ASXL3: variants seen among roughly 807,000 people sequenced by gnomAD.
ASXL3 encodes ASXL transcriptional regulator 3.
Under a neutral mutation model 170.6 loss-of-function variants are expected in ASXL3, and 34 were observed. That is an observed-to-expected ratio of 0.20 (90% confidence interval 0.15 to 0.27). ASXL3 has a LOEUF of 0.27. Ranked by LOEUF, ASXL3 falls within the 10% of genes least tolerant of loss-of-function variation. The pLI, the probability that ASXL3 is intolerant of heterozygous loss-of-function variation, is 1.00. For synonymous variants in ASXL3, 1,002 were observed against 989.1 expected, an observed-to-expected ratio of 1.01 and a Z score of -0.24; for missense variants, 2,592 against 2,695.3, an observed-to-expected ratio of 0.96 and a Z score of 0.85.
At chr18:33,704,316 TTAAAG>T (rs2066924420) in intron 8 of ASXL3, among the ~76,000 whole-genome samples, 1 of 152,130 alleles carries the variant, frequency 6.6e-6, no homozygotes, top group Non-Finnish European at 1.5e-5. Context: ...AAGAATTATA[TTAAAG>T]TATAGATTGT....
At chr18:33,701,649 C>T (rs921035675) in intron 8 of ASXL3, among the ~76,000 whole-genome samples, 4 of 151,914 alleles carry the variant, frequency 2.6e-5, no homozygotes, top group Non-Finnish European at 5.9e-5. Context: ...TTTTCTCTTG[C>T]TGTTTTCAGA....
intron 2 of ASXL3, among the ~76,000 whole-genome samples, chr18:33,621,293 A>G (rs1042311514): frequency 6.6e-6 from 1 of 152,152 alleles, no homozygotes; most frequent in Non-Finnish European, 1.5e-5. Flanking sequence ...AAGAATGTAC[A>G]AAAGTATATT....
chr18:33,606,850 A>T (rs921918991), intron 1 of ASXL3, among the ~76,000 whole-genome samples: 5 of 151,964 alleles, frequency 3.3e-5, no homozygotes, highest in African/African-American at 1.2e-4. Flanking sequence ...CCTGCAAAAT[A>T]AAGGAACCTG....
chr18:33,639,330 G>C (rs950547367), intron 2 of ASXL3, among the ~76,000 whole-genome samples: 1 of 152,086 alleles, frequency 6.6e-6, no homozygotes, highest in African/African-American at 2.4e-5. Flanking sequence ...TCCCAACCTT[G>C]TTGAACTCAG....
intron 5 of ASXL3, among the ~76,000 whole-genome samples, chr18:33,666,161 G>A (rs1013845098): frequency 1.3e-5 from 2 of 151,976 alleles, no homozygotes; most frequent in African/African-American, 2.4e-5. Flanking sequence ...TGTTTATTTT[G>A]ATTCTGATAT....
intron 7 of ASXL3, among the ~76,000 whole-genome samples, chr18:33,674,737 AC>A (rs776185782): frequency 3.8e-4 from 58 of 151,274 alleles, no homozygotes; most frequent in Non-Finnish European, 4.3e-4. Context: ...TGCTGCCTCA[AC>A]CCCCCGAGTA....
chr18:33,588,910 G>C (rs1184232842), intron 1 of ASXL3, among the ~76,000 whole-genome samples: 2 of 152,056 alleles, frequency 1.3e-5, no homozygotes, highest in African/African-American at 4.8e-5. Flanking sequence ...AAACCCTCTT[G>C]TCAGTGTTAT....
At chr18:33,600,265 C>T (rs1055996606) in intron 1 of ASXL3, among the ~76,000 whole-genome samples, 1 of 152,068 alleles carries the variant, frequency 6.6e-6, no homozygotes, top group Non-Finnish European at 1.5e-5. Context: ...TATTGAATCC[C>T]ATAATTGTAA....
chr18:33,662,913 C>G (rs2066198017), intron 5 of ASXL3, among the ~76,000 whole-genome samples: 1 of 152,150 alleles, frequency 6.6e-6, no homozygotes, highest in Non-Finnish European at 1.5e-5. Flanking sequence ...CTATCTTCTC[C>G]TGTACCTCAG....
chr18:33,632,799 A>T (rs1396782126), intron 2 of ASXL3, among the ~76,000 whole-genome samples: 1 of 152,130 alleles, frequency 6.6e-6, no homozygotes, highest in Non-Finnish European at 1.5e-5. Context: ...TTCTAGGTGT[A>T]TCTCAGCTGA....
At chr18:33,639,723 A>G (rs1172066470) in intron 2 of ASXL3, among the ~76,000 whole-genome samples, 3 of 152,142 alleles carry the variant, frequency 2.0e-5, no homozygotes, top group East Asian at 1.9e-4. Flanking sequence ...ACGAATCGCT[A>G]TAGTCTATCT....
At position 33,676,222 on chromosome 18, in the gene ASXL3, C is replaced by CAAAAAAAAAAAAAAAAAAAAAAAAAAAAA. The variant is rs568221465; in HGVS notation, c.715+4381_715+4382insAAAAAAAAAAAAAAAAAAAAAAAAAAAAA. Among the ~76,000 whole-genome samples, 12 of 41,728 alleles carry CAAAAAAAAAAAAAAAAAAAAAAAAAAAAA rather than the reference C, an allele frequency of 2.9e-4. 1 individual carries two copies. Among genetic ancestry groups the CAAAAAAAAAAAAAAAAAAAAAAAAAAAAA allele is most frequent in the Non-Finnish European group, 4.8e-4 (11 of 23,130 alleles). 27.4% of individuals were successfully genotyped at this position (41,728 alleles called of 152,430 possible). A position where few individuals can be genotyped will look rare whatever the true frequency, so the allele number is the denominator to read the frequency against. On this transcript the variant is annotated intron_variant, in intron 7 of 11. Transcript: ENST00000269197. ...CTGGGTGACGAGCGAGACTCCGTCTCAAAAAAAAAAAAAAAAAAAAAAAAA... is the reference window on the plus strand; with the variant it reads ...CTGGGTGACGAGCGAGACTCCGTCTCAAAAAAAAAAAAAAAAAAAAAAAAAAAAAAAAAAAAAAAAAAAAAAAAAAAAAA...
At chr18:33,590,111 G>GTTTTTTTTGTTTTTTTT (rs2065064587) in intron 1 of ASXL3, among the ~76,000 whole-genome samples, 1 of 83,186 alleles carries the variant, frequency 1.2e-5, no homozygotes, top group African/African-American at 6.9e-5. Flanking sequence ...TGCTTTCTAT[G>GTTTTTTTTGTTTTTTTT]TTTTTTTTTT....
intron 2 of ASXL3, among the ~76,000 whole-genome samples, chr18:33,620,897 A>T (rs2065502015): frequency 6.6e-6 from 1 of 152,188 alleles, no homozygotes; most frequent in Admixed American, 6.6e-5. Context: ...GGGGATACAT[A>T]ATTTTTAATA....
chr18:33,698,219 C>T (rs1035630607), intron 8 of ASXL3, among the ~76,000 whole-genome samples: 5 of 152,174 alleles, frequency 3.3e-5, no homozygotes, highest in Admixed American at 1.3e-4. Context: ...CTTTCTTTCT[C>T]TTATGCCAAG....
chr18:33,746,741 T>C lies in ASXL3; in HGVS notation c.*146T>C, dbSNP rs1407277980. On this transcript the variant is annotated 3_prime_UTR_variant, in exon 12 of 12. Transcript: ENST00000269197. ...ACCTTTCCTCTATGGCATTATTTTC[T>C]TGCATTTCTCATAAAGGGGAGGATG... is the stretch of plus-strand genomic sequence containing the variant. 3 of 1,324,608 alleles carry C rather than the reference T, an allele frequency of 2.3e-6. No homozygotes were observed. Among genetic ancestry groups the C allele is most frequent in the Non-Finnish European group, 3.0e-6 (3 of 1,005,216 alleles). 82.1% of individuals were successfully genotyped at this position (1,324,608 alleles called of 1,614,324 possible). A position where few individuals can be genotyped will look rare whatever the true frequency, so the allele number is the denominator to read the frequency against.
At chr18:33,741,916 AG>A (rs752414685) in intron 11 of ASXL3, among the ~76,000 whole-genome samples, 14 of 152,198 alleles carry the variant, frequency 9.2e-5, no homozygotes, top group Non-Finnish European at 1.6e-4. Context: ...TAGTGACTAG[AG>A]CAACACAGCC....
chr18:33,602,523 C>T (rs1347674442), intron 1 of ASXL3, among the ~76,000 whole-genome samples: 1 of 152,004 alleles, frequency 6.6e-6, no homozygotes, highest in African/African-American at 2.4e-5. Flanking sequence ...ATGACATGGA[C>T]CTTTGAGGTT....
intron 8 of ASXL3, among the ~76,000 whole-genome samples, chr18:33,719,779 T>A (rs1411954604): frequency 6.6e-6 from 1 of 151,900 alleles, no homozygotes; most frequent in African/African-American, 2.4e-5. Context: ...CAAGAAGACA[T>A]CATCTGTGAA....
Sources: gnomAD v4.1 joint callset for allele counts (sites outside exome capture counted in the v4.1 genomes callset) on GRCh38, gnomAD v4.1.1 for gene constraint, MANE v1.5 for transcripts, NCBI Gene and HGNC (gene_info 2026-07-23, HGNC 2026-07-21) for gene names.